The following PPP6R2 variants were observed in gnomAD, a reference collection of about 807,000 sequenced individuals.
PPP6R2 encodes the protein serine/threonine-protein phosphatase 6 regulatory subunit 2.
PPP6R2 carries 62 observed loss-of-function variants against 100.2 expected under a neutral mutation model. That is an observed-to-expected ratio of 0.62 (90% CI 0.50 to 0.76). The LOEUF (loss-of-function observed/expected upper bound fraction) is 0.76, where lower values mean the gene tolerates loss of function less well. PPP6R2 is among the 30% of genes least tolerant of loss of function. The pLI, the probability that PPP6R2 is intolerant of heterozygous loss-of-function variation, is 0.00. For missense variants in PPP6R2, 1,142 were observed against 1,276.3 expected (o/e 0.89, Z 1.60); for synonymous variants, 525 against 514.7 (o/e 1.02, Z -0.27).
rs892504600 is a variant in PPP6R2 at position 50,349,195 on chromosome 22, CAAA to C, written c.-148+5665_-148+5667del. Among the ~76,000 whole-genome samples the C allele has an allele frequency of 1.2e-3, 77 of 61,648 alleles. No homozygotes were observed. In the East Asian group the frequency reaches 0.033, roughly 26 times the overall value. 40.4% of individuals were successfully genotyped at this position (61,648 alleles called of 152,430 possible). A position where few individuals can be genotyped will look rare whatever the true frequency, so the allele number is the denominator to read the frequency against. On this transcript the variant is annotated intron_variant, in intron 1 of 23. Transcript: ENST00000612753. ...GGGCGACAAGAGTGAGACTTCCTCT[CAAA>C]AAAAAAAAAAAAAAAAAAAGTTGGG...
At chr22:50,411,386 G>A (rs1032714741) in intron 4 of PPP6R2, among the ~76,000 whole-genome samples, 2 of 152,036 alleles carry the variant, frequency 1.3e-5, no homozygotes, top group Non-Finnish European at 2.9e-5. Context: ...ACCTGAAGGC[G>A]GAGGTTGCAG....
intron 2 of PPP6R2, among the ~76,000 whole-genome samples, chr22:50,381,425 C>T (rs1330326235): frequency 1.2e-5 from 1 of 86,142 alleles, no homozygotes; most frequent in Non-Finnish European, 2.2e-5. Context: ...CGGGCCCCAC[C>T]TCAGCATCAC....
At chr22:50,414,755 G>C in intron 5 of PPP6R2, 66 bp downstream of exon 5, 1 of 1,558,600 alleles carries the variant, frequency 6.4e-7, no homozygotes, top group South Asian at 1.2e-5. Context: ...CTGGTTAAGT[G>C]CAGGAGCTCA....
intron 10 of PPP6R2, among the ~76,000 whole-genome samples, chr22:50,430,314 C>CA (rs1294970514): frequency 6.6e-6 from 1 of 152,230 alleles, no homozygotes; most frequent in Non-Finnish European, 1.5e-5. Flanking sequence ...CTCACAGTCT[C>CA]ACGTTTGTGT....
rs57634612 is a variant in PPP6R2, at chr22:50,414,331, G to GCCCCCCCCCCCCC, written c.415-214_415-202dup. Among the ~76,000 whole-genome samples, 48 of 26,788 alleles carry GCCCCCCCCCCCCC rather than the reference G, an allele frequency of 1.8e-3. 2 individuals are homozygous for GCCCCCCCCCCCCC. The highest frequency in any genetic ancestry group is 2.9e-3 in the Non-Finnish European group (26 of 9,026). 17.6% of individuals were successfully genotyped at this position (26,788 alleles called of 152,430 possible). A position where few individuals can be genotyped will look rare whatever the true frequency, so the allele number is the denominator to read the frequency against. ...GAGCCACAGGGGTCCCTGTGCAGTG[G>GCCCCCCCCCCCCC]CCCCCCCCCCCCCCCCCCCGCCCAG... On this transcript the variant is annotated intron_variant, in intron 4 of 23. Coordinates refer to ENST00000612753, the MANE Select transcript of PPP6R2 (RefSeq NM_001242898.2).
At chr22:50,387,420 T>G (rs1447496070) in intron 2 of PPP6R2, among the ~76,000 whole-genome samples, 1 of 152,136 alleles carries the variant, frequency 6.6e-6, no homozygotes, top group Admixed American at 6.6e-5. Flanking sequence ...TCCACCCCCT[T>G]TTTAAAGTTA....
chr22:50,368,054 C>T lies in PPP6R2; in HGVS notation c.-147-3966C>T, dbSNP rs530112999. 1.2e-4 allele frequency among the ~76,000 whole-genome samples: 19 copies of T among 152,308 alleles called. No homozygotes were observed. In the South Asian group the frequency reaches 3.9e-3, roughly 32 times the overall value. The stretch of plus-strand genomic sequence containing the variant: ...AGGCGGACAGAGAGAGAAGAGCTTA[C>T]GTCATTATTTCTTCTATGCATTTCA... On this transcript the variant is annotated intron_variant, in intron 1 of 23. Transcript: ENST00000612753.
intron 1 of PPP6R2, among the ~76,000 whole-genome samples, chr22:50,365,399 C>G (rs2048553461): frequency 6.6e-6 from 1 of 151,820 alleles, no homozygotes; most frequent in South Asian, 2.1e-4. Flanking sequence ...ACTATTTAGG[C>G]TGGGCATAGT....
chr22:50,334,092 C>T, the PPP6R2 span, among the ~76,000 whole-genome samples: 5 of 152,232 alleles, frequency 3.3e-5, no homozygotes, highest in African/African-American at 9.6e-5. Flanking sequence ...GTGTACAGGG[C>T]GGAACATGAA....
intron 1 of PPP6R2, among the ~76,000 whole-genome samples, chr22:50,356,159 T>A (rs1363110566): frequency 6.6e-6 from 1 of 151,084 alleles, no homozygotes; most frequent in Non-Finnish European, 1.5e-5. Context: ...AGAGACGGGG[T>A]TTCACCGTGT....
chr22:50,384,351 C>T (rs1339276855), intron 2 of PPP6R2, among the ~76,000 whole-genome samples: 1 of 152,044 alleles, frequency 6.6e-6, no homozygotes, highest in Non-Finnish European at 1.5e-5. Context: ...GTCAGTAGAC[C>T]GAGACCATCC....
intron 1 of PPP6R2, among the ~76,000 whole-genome samples, chr22:50,365,095 G>C (rs1398905599): frequency 6.8e-6 from 1 of 146,350 alleles, no homozygotes; most frequent in Non-Finnish European, 1.5e-5. Context: ...TTTTGAGACG[G>C]AGTTTTGCTC....
Position 50,422,523 on chromosome 22 carries a change from C to A in PPP6R2, c.972+143C>A. On this transcript the variant is annotated intron_variant, in intron 9 of 23. Coordinates refer to ENST00000612753, the MANE Select transcript of PPP6R2 (RefSeq NM_001242898.2). ...TAAGACGGCCATTCCCACACCCCCA[C>A]TTGAGAAGCACCGGGCAGGTGCCAA... 5 of 1,159,720 alleles carry A rather than the reference C, an allele frequency of 4.3e-6. No homozygotes were observed. In the South Asian group the frequency reaches 5.0e-5, roughly 11 times the overall value. The allele number at this position is 1,159,720 out of a possible 1,614,324, so 71.8% of individuals were successfully genotyped here. A position where few individuals can be genotyped will look rare whatever the true frequency, so the allele number is the denominator to read the frequency against.
chr22:50,437,513 C>A lies in PPP6R2; in HGVS notation c.1691C>A (p.Ser564Tyr). The A allele has an allele frequency of 1.2e-6, 1 of 864,934 alleles. No individual in the cohort carries two copies. Among genetic ancestry groups the A allele is most frequent in the Non-Finnish European group, 1.8e-6 (1 of 566,196 alleles). The allele number at this position is 864,934 out of a possible 1,614,324, so 53.6% of individuals were successfully genotyped here. ...PNELSLQQAF[S>Y]DYQIQQMTAN... is the part of the protein sequence containing the mutation. ...TCCCTCCCTCCCTCCCAGGCCTTCT[C>A]TGACTACCAGATCCAGCAGATGACA... Residue 564 changes from serine to tyrosine, a missense_variant, in exon 16 of 24, where the codon TCT (serine) becomes TAT (tyrosine). Transcript: ENST00000612753.
intron 3 of PPP6R2, among the ~76,000 whole-genome samples, chr22:50,404,089 A>ATT (rs55771128): frequency 1.5e-4 from 18 of 116,408 alleles, no homozygotes; most frequent in African/African-American, 4.1e-4. Flanking sequence ...TGCACATTCT[A>ATT]TTTTTTTTTT....
chr22:50,396,510 AAATC>A (rs1385388591), intron 3 of PPP6R2, among the ~76,000 whole-genome samples: 6 of 152,238 alleles, frequency 3.9e-5, no homozygotes, highest in African/African-American at 7.2e-5. Context: ...AAAAAAAAAA[AAATC>A]AAAGGAAGAA....
At chr22:50,359,192 G>C (rs1246140821) in intron 1 of PPP6R2, among the ~76,000 whole-genome samples, 4 of 147,962 alleles carry the variant, frequency 2.7e-5, no homozygotes, top group African/African-American at 1.0e-4. Context: ...TAGAGACACG[G>C]TTTCATCCTG....
At chr22:50,387,314 C>T (rs1354743884) in intron 2 of PPP6R2, among the ~76,000 whole-genome samples, 2 of 152,192 alleles carry the variant, frequency 1.3e-5, no homozygotes, top group African/African-American at 4.8e-5. Context: ...CCCTCAGCCT[C>T]AGCCTCGGCC....
intron 1 of PPP6R2, among the ~76,000 whole-genome samples, chr22:50,369,705 C>T (rs2049583823): frequency 6.6e-6 from 1 of 152,036 alleles, no homozygotes; most frequent in South Asian, 2.1e-4. Flanking sequence ...CAGGGTTTCA[C>T]CATGTTGGCC....
Sources: gnomAD v4.1 joint callset for allele counts (sites outside exome capture counted in the v4.1 genomes callset) on GRCh38, gnomAD v4.1.1 for gene constraint, MANE v1.5 for transcripts, NCBI Gene and HGNC (gene_info 2026-07-23, HGNC 2026-07-21) for gene names.